ORC3: variants seen among roughly 807,000 people sequenced by gnomAD.
The protein encoded by ORC3 is homolog of latheo, Drosophila.
In ORC3, 78 loss-of-function variants were observed where a neutral mutation model predicts 100.7. That is an observed-to-expected ratio of 0.77 (90% CI 0.65 to 0.94). The LOEUF is 0.94. Ranked by LOEUF, ORC3 falls within the 40% of genes least tolerant of loss-of-function variation. The probability of loss-of-function intolerance (pLI) is 0.00; values close to 1 mark genes in which losing one functional copy is unlikely to be tolerated. For synonymous variants in ORC3, 295 were observed against 289.3 expected (o/e 1.02, Z -0.20); for missense variants, 789 against 823.9 (o/e 0.96, Z 0.52).
At chr6:87,666,503 A>G (rs1043271947) in intron 19 of ORC3, among the ~76,000 whole-genome samples, 1 of 140,436 alleles carries the variant, frequency 7.1e-6, no homozygotes, top group Non-Finnish European at 1.5e-5. Flanking sequence ...CAGTGGCACG[A>G]TCTCGGCTCA....
intron 3 of ORC3, among the ~76,000 whole-genome samples, chr6:87,602,918 A>G (rs542625650): frequency 8.7e-4 from 111 of 127,144 alleles, no homozygotes; most frequent in African/African-American, 3.0e-3. Flanking sequence ...TATATTATAT[A>G]TATATATACA....
At chr6:87,647,428 C>G (rs1387024389) in intron 13 of ORC3, among the ~76,000 whole-genome samples, 1 of 152,180 alleles carries the variant, frequency 6.6e-6, no homozygotes, top group Non-Finnish European at 1.5e-5. Flanking sequence ...TTCCTTTCCT[C>G]CTTTATGTAC....
At chr6:87,610,679 G>A (rs1388661621) in intron 7 of ORC3, among the ~76,000 whole-genome samples, 5 of 146,246 alleles carry the variant, frequency 3.4e-5, no homozygotes, top group Admixed American at 2.0e-4. Context: ...TCAGCCTCCC[G>A]AGTAGCTGGG....
At chr6:87,669,052 A>G (rs746337358), downstream of ORC3, among the ~76,000 whole-genome samples, 2 of 151,986 alleles carry the variant, frequency 1.3e-5, no homozygotes, top group African/African-American at 2.4e-5. Context: ...AGCTACATGG[A>G]AGGCTGAGGC....
chr6:87,625,512 T>C, intron 11 of ORC3, among the ~76,000 whole-genome samples: 1 of 152,244 alleles, frequency 6.6e-6, no homozygotes, highest in East Asian at 1.9e-4. Context: ...AAGTGTCTGT[T>C]CATATCCTTT....
At chr6:87,594,617 A>G in intron 2 of ORC3, 1 of 1,198,568 alleles carries the variant, frequency 8.3e-7, no homozygotes, top group Non-Finnish European at 1.0e-6. Flanking sequence ...TCCAAAGGTA[A>G]GTTGGAAGCA....
chr6:87,606,761 C>T (rs1035166200), intron 5 of ORC3, among the ~76,000 whole-genome samples: 5 of 152,050 alleles, frequency 3.3e-5, no homozygotes, highest in African/African-American at 1.2e-4. Context: ...GCTGTGTTGT[C>T]CAGACTGGTC....
In ORC3 at chr6:87,623,513, G is replaced by A. The variant is rs182282411; in HGVS notation, c.1185+1500G>A. On this transcript the variant is annotated intron_variant, in intron 11 of 19. Transcript: ENST00000392844. Reference sequence around the variant, plus strand: ...CTGTCAGAGTTATTTCAGAAGCCAGGAATAGATTTTTTAAGAGTACCTTTA... The same window carrying A: ...CTGTCAGAGTTATTTCAGAAGCCAGAAATAGATTTTTTAAGAGTACCTTTA... Among the ~76,000 whole-genome samples the A allele has an allele frequency of 6.4e-3, 970 of 152,284 alleles. 8 individuals are homozygous for A. The highest frequency in any genetic ancestry group is 0.01 in the Middle Eastern group (3 of 294).
chr6:87,606,387 T>C (rs1046591005), intron 5 of ORC3, among the ~76,000 whole-genome samples: 6 of 152,166 alleles, frequency 3.9e-5, no homozygotes, highest in Non-Finnish European at 7.4e-5. Flanking sequence ...GTAGACCACA[T>C]GGGCTCATGT....
At chr6:87,621,911 A>C in intron 10 of ORC3, 39 bp from the exon 11 acceptor site, 1 of 1,422,584 alleles carries the variant, frequency 7.0e-7, no homozygotes, top group Non-Finnish European at 9.9e-7. Context: ...TTGAATGTTT[A>C]ATTTTCTCTT....
At chr6:87,676,467 AAAAAC>A in the ORC3 span, among the ~76,000 whole-genome samples, 4 of 145,072 alleles carry the variant, frequency 2.8e-5, no homozygotes, top group South Asian at 6.6e-4. Flanking sequence ...AAAAAAAAAA[AAAAAC>A]GAGGCCGGGC....
At chr6:87,602,271 G>A (rs186619570) in intron 3 of ORC3, among the ~76,000 whole-genome samples, 28 of 152,238 alleles carry the variant, frequency 1.8e-4, no homozygotes, top group African/African-American at 6.7e-4. Context: ...CTTGTGAGTG[G>A]AACAGATGTT....
intron 18 of ORC3, 42 bp from the exon 19 acceptor site, chr6:87,665,712 C>T: frequency 1.7e-6 from 2 of 1,196,886 alleles, no homozygotes; most frequent in Non-Finnish European, 2.5e-6. Context: ...TGTTTGGCAA[C>T]TGTAGACATT....
intron 8 of ORC3, among the ~76,000 whole-genome samples, chr6:87,615,333 C>T (rs1779084281): frequency 6.6e-6 from 1 of 152,204 alleles, no homozygotes; most frequent in Non-Finnish European, 1.5e-5. Flanking sequence ...GGTGGGGACA[C>T]AGCCAAACCA....
chr6:87,660,655 C>A (rs1770110390), intron 16 of ORC3, among the ~76,000 whole-genome samples: 1 of 152,254 alleles, frequency 6.6e-6, no homozygotes, highest in Non-Finnish European at 1.5e-5. Context: ...TTGCCACTTT[C>A]TAAGTTACTG....
chr6:87,644,861 T>C (rs1296172465), intron 13 of ORC3, among the ~76,000 whole-genome samples: 1 of 150,906 alleles, frequency 6.6e-6, no homozygotes, highest in African/African-American at 2.5e-5. Context: ...AAAAAAAAAA[T>C]TGCATCAATA....
chr6:87,631,965 C>A (rs866263243), intron 11 of ORC3, among the ~76,000 whole-genome samples: 1 of 151,960 alleles, frequency 6.6e-6, no homozygotes, highest in Admixed American at 6.5e-5. Context: ...AAGTTTGAGA[C>A]CAGCCTGGCC....
intron 13 of ORC3, among the ~76,000 whole-genome samples, chr6:87,637,927 T>C (rs757223799): frequency 3.9e-5 from 6 of 152,206 alleles, no homozygotes; most frequent in Non-Finnish European, 7.3e-5. Flanking sequence ...ATGGTAGATA[T>C]TATTAGGCAC....
At chr6:87,659,881 C>G (rs967885072) in intron 16 of ORC3, among the ~76,000 whole-genome samples, 1 of 147,976 alleles carries the variant, frequency 6.8e-6, no homozygotes, top group African/African-American at 2.5e-5. Context: ...GACTCCATCT[C>G]GAGAAAAAAA....
Sources: gnomAD v4.1 joint callset for allele counts (sites outside exome capture counted in the v4.1 genomes callset) on GRCh38, gnomAD v4.1.1 for gene constraint, MANE v1.5 for transcripts, NCBI Gene and HGNC (gene_info 2026-07-23, HGNC 2026-07-21) for gene names.